AGAP1: variants seen among roughly 807,000 people sequenced by gnomAD.
AGAP1 encodes the protein arf-GAP with GTPase, ANK repeat and PH domain-containing protein 1.
AGAP1 carries 29 observed loss-of-function variants against 105.3 expected under a neutral mutation model. The ratio of observed to expected loss-of-function variants is 0.28; its 90% CI spans 0.21 to 0.38. The LOEUF (loss-of-function observed/expected upper bound fraction) is 0.38, where lower values mean the gene tolerates loss of function less well. Ranked by LOEUF, AGAP1 falls within the 10% of genes least tolerant of loss-of-function variation. The pLI, the probability that AGAP1 is intolerant of heterozygous loss-of-function variation, is 1.00. For missense variants in AGAP1, 998 were observed against 1,165.1 expected (o/e 0.86, Z 2.09); for synonymous variants, 509 against 485.9 (o/e 1.05, Z -0.63).
intron 3 of AGAP1, among the ~76,000 whole-genome samples, chr2:235,727,335 T>G (rs1951697159): frequency 6.7e-6 from 1 of 150,250 alleles, no homozygotes; most frequent in African/African-American, 2.4e-5. Context: ...TTAGCCAGGG[T>G]GGGGCTGGGG....
intron 12 of AGAP1, among the ~76,000 whole-genome samples, chr2:235,943,332 A>G (rs1261211575): frequency 6.6e-6 from 1 of 151,080 alleles, no homozygotes; most frequent in Non-Finnish European, 1.5e-5. Flanking sequence ...TTATAAACAC[A>G]TGCAAAAAGG....
chr2:235,510,654 C>T (rs900006039), intron 1 of AGAP1, among the ~76,000 whole-genome samples: 1 of 152,114 alleles, frequency 6.6e-6, no homozygotes, highest in South Asian at 2.1e-4. Flanking sequence ...TTTACTCTCC[C>T]GCCGGCAGTG....
chr2:235,798,459 A>ACC (rs2150045552), intron 7 of AGAP1, among the ~76,000 whole-genome samples: 1 of 152,280 alleles, frequency 6.6e-6, no homozygotes, highest in East Asian at 1.9e-4. Context: ...TTTCTTGGGC[A>ACC]GGTATTCTAT....
At chr2:235,821,382 A>ATTTTTTTTTTTTTT (rs200107062) in intron 9 of AGAP1, among the ~76,000 whole-genome samples, 3 of 133,814 alleles carry the variant, frequency 2.2e-5, no homozygotes, top group African/African-American at 8.4e-5. Flanking sequence ...CAGAACTTCA[A>ATTTTTTTTTTTTTT]TTTTTTTTTT....
intron 9 of AGAP1, chr2:235,852,852 A>G (rs1249567519): frequency 6.9e-7 from 1 of 1,452,484 alleles, no homozygotes; most frequent in Admixed American, 2.7e-5. Flanking sequence ...ATGATGAATT[A>G]GCGGTGGGAG....
In AGAP1 at chr2:235,769,463, G is replaced by A. The variant is rs187432501; in HGVS notation, c.673+18975G>A. ...ATGTTTTAAGGAATTGGAGTTTTGC[G>A]AGGAGATGGTGACAAGCCTCACTCA... is the stretch of plus-strand genomic sequence containing the variant. On this transcript the variant is annotated intron_variant, in intron 6 of 17. Coordinates refer to ENST00000304032, the MANE Select transcript of AGAP1 (RefSeq NM_001037131.3). This position sits in a 1 kb window ranked among gnomAD's most constrained non-coding sequence, Gnocchi z 4.4. 5.3e-5 allele frequency among the ~76,000 whole-genome samples: 8 copies of A among 152,348 alleles called. No homozygotes were observed. In the East Asian group the frequency reaches 5.8e-4, roughly 11 times the overall value.
At chr2:235,743,096 G>A (rs1018863905) in intron 4 of AGAP1, among the ~76,000 whole-genome samples, 1 of 152,216 alleles carries the variant, frequency 6.6e-6, no homozygotes, top group Non-Finnish European at 1.5e-5. Flanking sequence ...AAACCCAGAA[G>A]GAGGTGGTTG....
intron 1 of AGAP1, among the ~76,000 whole-genome samples, chr2:235,657,761 TCC>T (rs1947820458): frequency 6.6e-6 from 1 of 152,178 alleles, no homozygotes; most frequent in Non-Finnish European, 1.5e-5. Context: ...GTGTTTTAAG[TCC>T]TAACCCCCAG....
chr2:235,861,236 CAG>C (rs1417433855), intron 9 of AGAP1, among the ~76,000 whole-genome samples: 1 of 152,182 alleles, frequency 6.6e-6, no homozygotes, highest in Non-Finnish European at 1.5e-5. Flanking sequence ...TGTGATGAAT[CAG>C]AGGATTTGTT....
intron 1 of AGAP1, among the ~76,000 whole-genome samples, chr2:235,628,791 A>G (rs191364733): frequency 6.6e-6 from 1 of 151,790 alleles, no homozygotes; most frequent in Non-Finnish European, 1.5e-5. Flanking sequence ...CTTCCCCCCA[A>G]GTCCCCGAAG....
At chr2:235,859,996 TC>T (rs1305418501) in intron 9 of AGAP1, among the ~76,000 whole-genome samples, 4 of 152,168 alleles carry the variant, frequency 2.6e-5, no homozygotes, top group African/African-American at 9.7e-5. Flanking sequence ...TGGGTTACCT[TC>T]CCCTCCCAGC....
In AGAP1 at chr2:235,971,095, ACT is replaced by A. The variant is rs1008317912; in HGVS notation, c.1645+2477_1645+2478del. Among the ~76,000 whole-genome samples the A allele has an allele frequency of 5.3e-5, 8 of 152,106 alleles. No homozygotes were observed. Among genetic ancestry groups the A allele is most frequent in the African/African-American group, 1.9e-4 (8 of 41,402 alleles). On this transcript the variant is annotated intron_variant, in intron 13 of 17. Coordinates refer to ENST00000304032, the MANE Select transcript of AGAP1 (RefSeq NM_001037131.3). This position sits in a 1 kb window ranked among gnomAD's most constrained non-coding sequence, Gnocchi z 4.8. The stretch of plus-strand genomic sequence containing the variant: ...GCAGAGGTTCCAAGGGAGCCACCTC[ACT>A]CTCTAATTAGGAGAGTCTGGTCTCT...
intron 1 of AGAP1, among the ~76,000 whole-genome samples, chr2:235,567,117 C>G (rs963845431): frequency 6.6e-6 from 1 of 152,230 alleles, no homozygotes; most frequent in African/African-American, 2.4e-5. Context: ...ACCTCTCCCA[C>G]AGGTCTGTCC....
At chr2:235,571,932 TTGTGTGTGTGTGTG>T (rs141898525) in intron 1 of AGAP1, among the ~76,000 whole-genome samples, 2 of 103,608 alleles carry the variant, frequency 1.9e-5, no homozygotes, top group Admixed American at 9.8e-5. Context: ...TGCCCACACT[TTGTGTGTGTGTGTG>T]TGTGTGTGTG....
At chr2:235,713,218 A>G (rs1435980932) in intron 2 of AGAP1, among the ~76,000 whole-genome samples, 1 of 152,214 alleles carries the variant, frequency 6.6e-6, no homozygotes, top group Admixed American at 6.5e-5. Context: ...ATTCTGTGGC[A>G]TACTGTTTTG....
Position 235,822,488 on chromosome 2 carries a change from A to C in AGAP1, c.1050+15157A>C, listed in dbSNP as rs139961967. Among the ~76,000 whole-genome samples, 725 of 151,960 alleles carry C rather than the reference A, an allele frequency of 4.8e-3. 8 individuals carry two copies. The highest frequency in any genetic ancestry group is 0.018 in the East Asian group (90 of 5,140). On this transcript the variant is annotated intron_variant, in intron 9 of 17. Transcript: ENST00000304032. Reference sequence around the variant, plus strand: ...GCTCAAGGGTGAGGAAGAGCTGGAGAAGCTCAAGAATGAAGAGAAGCTGGA... The same window carrying C: ...GCTCAAGGGTGAGGAAGAGCTGGAGCAGCTCAAGAATGAAGAGAAGCTGGA...
At chr2:235,869,419 C>CAAA (rs2049329892) in intron 9 of AGAP1, among the ~76,000 whole-genome samples, 2 of 21,410 alleles carry the variant, frequency 9.3e-5, no homozygotes, top group Non-Finnish European at 1.8e-4. Flanking sequence ...TCCATCTCTA[C>CAAA]TAAAAAAAAA....
chr2:235,794,046 C>G (rs1208441356), intron 6 of AGAP1, among the ~76,000 whole-genome samples: 1 of 152,080 alleles, frequency 6.6e-6, no homozygotes, highest in African/African-American at 2.4e-5. Context: ...GGGCCTATTT[C>G]TAGACCCCAG....
At chr2:235,538,425 CTA>C (rs946437953) in intron 1 of AGAP1, among the ~76,000 whole-genome samples, 3 of 28,588 alleles carry the variant, frequency 1.0e-4, no homozygotes, top group African/African-American at 1.5e-4. Flanking sequence ...ACCTCAGCCA[CTA>C]TGTGTGTGTG....
Sources: gnomAD v4.1 joint callset for allele counts (sites outside exome capture counted in the v4.1 genomes callset) on GRCh38, gnomAD v4.1.1 for gene constraint, Gnocchi (gnomAD v3.1) non-coding constraint, MANE v1.5 for transcripts, NCBI Gene and HGNC (gene_info 2026-07-23, HGNC 2026-07-21) for gene names.